Variants in ZC3H14 observed in about 807,000 individuals in gnomAD.
The protein encoded by ZC3H14 is zinc finger CCCH domain-containing protein 14.
ZC3H14 carries 31 observed loss-of-function variants against 92.4 expected under a neutral mutation model. The ratio of observed to expected loss-of-function variants is 0.34; its 90% CI spans 0.25 to 0.45. The LOEUF (loss-of-function observed/expected upper bound fraction) is 0.45. Ranked by LOEUF, ZC3H14 falls within the 20% of genes least tolerant of loss-of-function variation. ZC3H14 has a pLI of 1.00. For missense variants in ZC3H14, 781 were observed against 897.3 expected (o/e 0.87, Z 1.66); for synonymous variants, 321 against 300.9 (o/e 1.07, Z -0.69).
At chr14:88,599,306 T>C (rs2084275332) in intron 10 of ZC3H14, among the ~76,000 whole-genome samples, 1 of 152,238 alleles carries the variant, frequency 6.6e-6, no homozygotes, top group Non-Finnish European at 1.5e-5. Flanking sequence ...TTCTTAATCA[T>C]CTGTTTTCCA....
At position 88,622,663 on chromosome 14, in the gene ZC3H14, C is replaced by T; in HGVS notation, c.*10912C>T. On this transcript the variant is annotated 3_prime_UTR_variant, in exon 17 of 17. Transcript: ENST00000251038. ...GCTTGTCCTGTCTCAAGCCTGAAGG[C>T]ACGGCACCGCCTCAGTTCCTGATCC... 6.2e-7 allele frequency: 1 copy of T among 1,611,286 alleles called. No homozygotes were observed. The highest frequency in any genetic ancestry group is 2.2e-5 in the East Asian group (1 of 44,766).
chr14:88,618,922 C>T lies in ZC3H14; in HGVS notation c.*7171C>T, dbSNP rs150647434. Reference sequence around the variant, plus strand: ...TTAAAAGTAACGTGTGATAAGGCCTCAAATAGATTTACCTGTCAGACACAA... The same window carrying T: ...TTAAAAGTAACGTGTGATAAGGCCTTAAATAGATTTACCTGTCAGACACAA... On this transcript the variant is annotated 3_prime_UTR_variant, in exon 17 of 17. Transcript: ENST00000251038. 777 of 1,085,620 alleles carry T rather than the reference C, an allele frequency of 7.2e-4. 4 individuals carry two copies. The African/African-American group carries it at 0.011, about 15-fold the overall frequency. The allele number at this position is 1,085,620 out of a possible 1,614,324, so 67.2% of individuals were successfully genotyped here.
intron 4 of ZC3H14, 23 bp from the exon 5 acceptor site, chr14:88,572,007 A>G (rs1402072224): frequency 1.3e-6 from 2 of 1,546,682 alleles, no homozygotes; most frequent in Non-Finnish European, 8.8e-7. Flanking sequence ...AATAGATTAA[A>G]AGGACTGTAT....
At position 88,616,843 on chromosome 14, in the gene ZC3H14, T is replaced by C; in HGVS notation, c.*5092T>C. The C allele has an allele frequency of 6.2e-7, 1 of 1,613,904 alleles. No individual in the cohort carries two copies. The highest frequency in any genetic ancestry group is 8.5e-7 in the Non-Finnish European group (1 of 1,179,844). ...AGTTGACATCAGCTTTCTCAGCATGTCTGGACCAGATTCCCAAAACCTCAT... is the reference window on the plus strand; with the variant it reads ...AGTTGACATCAGCTTTCTCAGCATGCCTGGACCAGATTCCCAAAACCTCAT... On this transcript the variant is annotated 3_prime_UTR_variant, in exon 17 of 17. Coordinates refer to ENST00000251038, the MANE Select transcript of ZC3H14 (RefSeq NM_024824.5).
intron 10 of ZC3H14, 140 bp downstream of exon 10, chr14:88,596,948 C>T: frequency 1.3e-6 from 1 of 770,848 alleles, no homozygotes; most frequent in South Asian, 1.5e-5. Flanking sequence ...TATTTTAGGG[C>T]CAGGAGATAA....
Position 88,609,255 on chromosome 14 carries a change from T to G in ZC3H14, c.1869-12T>G. 3 of 1,613,924 alleles carry G rather than the reference T, an allele frequency of 1.9e-6. No individual in the cohort carries two copies. The highest frequency in any genetic ancestry group is 1.7e-4 in the Middle Eastern group (1 of 6,048). The stretch of plus-strand genomic sequence containing the variant: ...GATTGAATATGAAATATGCTTTTTT[T>G]TTGTTTTGTAGAGCCTTCCCCAATT... On this transcript the variant is annotated splice_polypyrimidine_tract_variant and intron_variant, in intron 13 of 16. Transcript: ENST00000251038.
Position 88,621,067 on chromosome 14 carries a change from CT to C in ZC3H14, c.*9321del. ...TAGCAATTTAGAACTTCCAACTTTTCTTTTTAGAAGTTGTAACCTCTTTTAA... is the reference window on the plus strand; with the variant it reads ...TAGCAATTTAGAACTTCCAACTTTTCTTTTAGAAGTTGTAACCTCTTTTAA... On this transcript the variant is annotated 3_prime_UTR_variant, in exon 17 of 17. Coordinates refer to ENST00000251038, the MANE Select transcript of ZC3H14 (RefSeq NM_024824.5). 6.4e-7 allele frequency: 1 copy of C among 1,555,016 alleles called. No homozygotes were observed. The highest frequency in any genetic ancestry group is 8.7e-7 in the Non-Finnish European group (1 of 1,152,642).
intron 4 of ZC3H14, among the ~76,000 whole-genome samples, chr14:88,571,648 G>A (rs181704272): frequency 1.2e-3 from 189 of 152,206 alleles, no homozygotes; most frequent in African/African-American, 4.4e-3. Flanking sequence ...TGGTGATGAG[G>A]AAGGAAACGA....
intron 9 of ZC3H14, among the ~76,000 whole-genome samples, chr14:88,595,648 A>G (rs951564268): frequency 1.3e-5 from 2 of 152,222 alleles, no homozygotes; most frequent in African/African-American, 2.4e-5. Flanking sequence ...AAAATTTCAT[A>G]TAACTTATGT....
In ZC3H14 at chr14:88,614,918, T is replaced by A. The variant is rs997735717; in HGVS notation, c.*3167T>A. On this transcript the variant is annotated 3_prime_UTR_variant, in exon 17 of 17. Transcript: ENST00000251038. ...CCAAGAGTGATTAAATTGTATAATG[T>A]TGTATATGTGAATTTAACACTTTTG... 1 of 152,220 alleles carries A rather than the reference T, an allele frequency of 6.6e-6. No individual in the cohort carries two copies. The highest frequency in any genetic ancestry group is 2.4e-5 in the African/African-American group (1 of 41,468). 9.4% of individuals were successfully genotyped at this position (152,220 alleles called of 1,614,324 possible).
chr14:88,584,215 A>G (rs1396378821), intron 9 of ZC3H14, among the ~76,000 whole-genome samples: 1 of 152,186 alleles, frequency 6.6e-6, no homozygotes, highest in Non-Finnish European at 1.5e-5. Context: ...TGAACCAGAC[A>G]AGTTTGAACT....
rs1381147121 is a variant in ZC3H14, at chr14:88,614,804, T to C, written c.*3053T>C. ...ACTGACAAGTTTTTACAAATGGAGT[T>C]GGGCTCATTCATTTTGGAAATAAAC... On this transcript the variant is annotated 3_prime_UTR_variant, in exon 17 of 17. Coordinates refer to ENST00000251038, the MANE Select transcript of ZC3H14 (RefSeq NM_024824.5). 1 of 152,148 alleles carries C rather than the reference T, an allele frequency of 6.6e-6. No individual in the cohort carries two copies. Among genetic ancestry groups the C allele is most frequent in the Non-Finnish European group, 1.5e-5 (1 of 68,012 alleles). 9.4% of individuals were successfully genotyped at this position (152,148 alleles called of 1,614,324 possible).
chr14:88,590,990 C>T (rs912151004), intron 9 of ZC3H14: 2 of 140,854 alleles, frequency 1.4e-5, no homozygotes, highest in East Asian at 2.2e-4. Flanking sequence ...GACATCTCAT[C>T]TGCTGCACCT....
intron 3 of ZC3H14, among the ~76,000 whole-genome samples, chr14:88,570,858 G>A (rs531799400): frequency 6.6e-6 from 1 of 152,108 alleles, no homozygotes; most frequent in Non-Finnish European, 1.5e-5. Context: ...GCTCACGCCC[G>A]TAATCTCAAC....
chr14:88,564,988 G>A (rs2079380551), intron 2 of ZC3H14, among the ~76,000 whole-genome samples: 1 of 152,078 alleles, frequency 6.6e-6, no homozygotes, highest in Admixed American at 6.5e-5. Flanking sequence ...AGTGAGCAAA[G>A]AAAAGAATCC....
chr14:88,580,827 C>T (rs771751008), intron 9 of ZC3H14, among the ~76,000 whole-genome samples: 12 of 152,052 alleles, frequency 7.9e-5, no homozygotes, highest in Admixed American at 1.3e-4. Context: ...GACATTCAGG[C>T]AAAAGGGGCA....
chr14:88,592,446 A>G (rs1006471215), intron 9 of ZC3H14: 3 of 150,044 alleles, frequency 2.0e-5, no homozygotes, highest in African/African-American at 7.4e-5. Flanking sequence ...TGTTACTGTG[A>G]CATCTATTTG....
At position 88,618,911 on chromosome 14, in the gene ZC3H14, T is replaced by G. The variant is rs563675603; in HGVS notation, c.*7160T>G. 64 of 1,219,258 alleles carry G rather than the reference T, an allele frequency of 5.2e-5. 1 individual carries two copies. In the African/African-American group the frequency reaches 8.1e-4, roughly 15 times the overall value. 75.5% of individuals were successfully genotyped at this position (1,219,258 alleles called of 1,614,324 possible). A position where few individuals can be genotyped will look rare whatever the true frequency, so the allele number is the denominator to read the frequency against. On this transcript the variant is annotated 3_prime_UTR_variant, in exon 17 of 17. Transcript: ENST00000251038. ...CTTTCTAGTTCTTAAAAGTAACGTG[T>G]GATAAGGCCTCAAATAGATTTACCT...
intron 9 of ZC3H14, among the ~76,000 whole-genome samples, chr14:88,582,529 A>G (rs1001578897): frequency 1.3e-5 from 2 of 152,238 alleles, no homozygotes; most frequent in Non-Finnish European, 2.9e-5. Flanking sequence ...CGTTAATATA[A>G]AAAGCACATA....
Sources: allele counts gnomAD v4.1 joint callset (sites outside exome capture counted in the v4.1 genomes callset), GRCh38; gene constraint gnomAD v4.1.1; transcripts MANE v1.5; gene names NCBI Gene and HGNC (gene_info 2026-07-23, HGNC 2026-07-21).